The following CERS4 variants were observed in gnomAD, a reference collection of about 807,000 sequenced individuals.
CERS4 encodes the protein ceramide synthase 4.
In CERS4, 65 loss-of-function variants were observed where a neutral mutation model predicts 51.8. The ratio of observed to expected loss-of-function variants is 1.26; its 90% CI spans 1.03 to 1.54. The LOEUF is 1.54. Among genes scored for constraint, CERS4 ranks in the 40% most tolerant of loss-of-function variants. The pLI, the probability that CERS4 is intolerant of heterozygous loss-of-function variation, is 0.00. For synonymous variants in CERS4, 228 were observed against 208.4 expected, an observed-to-expected ratio of 1.09 and a Z score of -0.81; for missense variants, 563 against 500.4, an observed-to-expected ratio of 1.13 and a Z score of -1.19.
chr19:8,252,407 G>C (rs941370220), intron 3 of CERS4, among the ~76,000 whole-genome samples: 2 of 148,464 alleles, frequency 1.3e-5, no homozygotes, highest in South Asian at 4.2e-4. Context: ...CCCACCAGTA[G>C]CTGGGACTGT....
At chr19:8,261,528 G>C (rs555902738) in intron 10 of CERS4, 160 bp from the exon 11 acceptor site, 2 of 750,604 alleles carry the variant, frequency 2.7e-6, no homozygotes, top group Admixed American at 2.5e-5. Flanking sequence ...AGGGGGCCTC[G>C]CGTGCCCAGC....
At chr19:8,247,896 G>A (rs964665080) in intron 2 of CERS4, among the ~76,000 whole-genome samples, 3 of 151,762 alleles carry the variant, frequency 2.0e-5, no homozygotes, top group African/African-American at 4.8e-5. Flanking sequence ...ACCACACCTG[G>A]CTGATTTTTG....
chr19:8,247,146 G>A (rs1157680617), intron 2 of CERS4, among the ~76,000 whole-genome samples: 1 of 152,106 alleles, frequency 6.6e-6, no homozygotes, highest in Non-Finnish European at 1.5e-5. Context: ...AGGCTGGGCG[G>A]CAGAGTGAGA....
intron 2 of CERS4, among the ~76,000 whole-genome samples, chr19:8,214,954 G>GAGGAGAGGA (rs1967231976): frequency 6.8e-6 from 1 of 146,206 alleles, no homozygotes; most frequent in East Asian, 2.1e-4. Context: ...GGAGGAGAGG[G>GAGGAGAGGA]AGGAGGGGGA....
At chr19:8,245,126 A>ACAAAAAAAAACAAAAAAAAAACAAAC (rs1555777241) in intron 2 of CERS4, among the ~76,000 whole-genome samples, 2 of 148,130 alleles carry the variant, frequency 1.4e-5, no homozygotes, top group African/African-American at 2.5e-5. Context: ...AAAAAAAAAA[A>ACAAAAAAAAACAAAAAAAAAACAAAC]AAAAAAAAAC....
chr19:8,245,504 C>CTCCT (rs1226332785), intron 2 of CERS4, among the ~76,000 whole-genome samples: 1 of 152,046 alleles, frequency 6.6e-6, no homozygotes, highest in Non-Finnish European at 1.5e-5. Flanking sequence ...CTGCCTCAGC[C>CTCCT]TCCTAAACAC....
intron 2 of CERS4, among the ~76,000 whole-genome samples, chr19:8,215,054 C>T (rs544820801): frequency 2.0e-4 from 30 of 150,966 alleles, no homozygotes; most frequent in Middle Eastern, 3.4e-3. Context: ...GAAGAAGCAA[C>T]GGCAGCAGCC....
intron 2 of CERS4, among the ~76,000 whole-genome samples, chr19:8,227,726 A>C (rs908284153): frequency 2.0e-5 from 3 of 152,160 alleles, no homozygotes; most frequent in South Asian, 2.1e-4. Context: ...AGCCAGTCAC[A>C]AAAGGGGAGA....
intron 2 of CERS4, among the ~76,000 whole-genome samples, chr19:8,246,017 C>T (rs1946940786): frequency 6.9e-6 from 1 of 144,092 alleles, no homozygotes; most frequent in Non-Finnish European, 1.5e-5. Flanking sequence ...CCCAGGAGGT[C>T]AAGTGTGCAG....
Position 8,247,732 on chromosome 19 carries a change from CTT to C in CERS4, c.-1-3326_-1-3325del, listed in dbSNP as rs370855290. ...ACTTTGCCTGGCCTGACCTCCGCATCTTTTTTTTTTTTTTTTTTTAAGATGGA... is the reference window on the plus strand; with the variant it reads ...ACTTTGCCTGGCCTGACCTCCGCATCTTTTTTTTTTTTTTTTTAAGATGGA... On this transcript the variant is annotated intron_variant, in intron 2 of 11. Coordinates refer to ENST00000251363, the MANE Select transcript of CERS4 (RefSeq NM_024552.3). Among the ~76,000 whole-genome samples, 162 of 131,104 alleles carry C rather than the reference CTT, an allele frequency of 1.2e-3. 1 individual carries two copies. The highest frequency in any genetic ancestry group is 3.9e-3 in the African/African-American group (136 of 35,046). 86.0% of individuals were successfully genotyped at this position (131,104 alleles called of 152,430 possible).
chr19:8,239,787 C>G (rs1468599718), intron 2 of CERS4: 1 of 152,250 alleles, frequency 6.6e-6, no homozygotes, highest in Non-Finnish European at 1.5e-5. Flanking sequence ...CCTGAGCTAA[C>G]ATCCTTGCAC....
intron 2 of CERS4, among the ~76,000 whole-genome samples, chr19:8,217,773 G>C (rs190071893): frequency 6.6e-6 from 1 of 151,932 alleles, no homozygotes; most frequent in African/African-American, 2.4e-5. Context: ...TCCTGACCTC[G>C]TGATCCGCCC....
At chr19:8,236,120 G>A (rs1011046709) in intron 2 of CERS4, among the ~76,000 whole-genome samples, 47 of 152,194 alleles carry the variant, frequency 3.1e-4, no homozygotes, top group African/African-American at 1.1e-3. Context: ...GGGGTAAACC[G>A]GGAGGCGGAG....
rs1394455960 is a variant in CERS4 at position 8,257,038 on chromosome 19, G to A, written c.702G>A (p.Leu234=). The part of the protein sequence containing the change: ...YSANLLRIGS[L]VLLLHDSSDY... ...CCAACCTGCTGCGCATTGGCTCTCT[G>A]GTGCTGCTGTTACACGATTCCTCTG... The change falls in exon 9 of 12, where the codon CTG becomes CTA. Residue 234 remains leucine (L), a synonymous_variant. Transcript: ENST00000251363. 3 of 1,612,602 alleles carry A rather than the reference G, an allele frequency of 1.9e-6. No homozygotes were observed. The highest frequency in any genetic ancestry group is 2.2e-5 in the East Asian group (1 of 44,836).
chr19:8,248,726 A>T (rs1968903697), intron 2 of CERS4, among the ~76,000 whole-genome samples: 1 of 150,876 alleles, frequency 6.6e-6, no homozygotes, highest in South Asian at 2.1e-4. Context: ...TGGATGACAG[A>T]TGGACGATAG....
intron 10 of CERS4, 130 bp from the exon 11 acceptor site, chr19:8,261,558 T>G: frequency 9.7e-7 from 1 of 1,034,046 alleles, no homozygotes; most frequent in Non-Finnish European, 1.4e-6. Context: ...TTAGGTATCA[T>G]GGGGTGGGGG....
At chr19:8,229,899 T>C (rs914098927) in intron 2 of CERS4, among the ~76,000 whole-genome samples, 1 of 151,978 alleles carries the variant, frequency 6.6e-6, no homozygotes, top group Non-Finnish European at 1.5e-5. Flanking sequence ...GTTGTTGTTT[T>C]AATTTTAGTA....
chr19:8,236,786 G>A (rs1007244314), intron 2 of CERS4, among the ~76,000 whole-genome samples: 12 of 151,434 alleles, frequency 7.9e-5, no homozygotes, highest in Non-Finnish European at 1.8e-4. Flanking sequence ...TGGATCACTT[G>A]AGGCCAGGAG....
chr19:8,246,757 TG>T (rs1968806123), intron 2 of CERS4, among the ~76,000 whole-genome samples: 1 of 151,922 alleles, frequency 6.6e-6, no homozygotes, highest in Non-Finnish European at 1.5e-5. Flanking sequence ...CAGAGGCAGA[TG>T]GGTGATGGAA....
Sources: allele counts gnomAD v4.1 joint callset (sites outside exome capture counted in the v4.1 genomes callset), GRCh38; gene constraint gnomAD v4.1.1; transcripts MANE v1.5; gene names NCBI Gene and HGNC (gene_info 2026-07-23, HGNC 2026-07-21).